Variants in BEND6 observed in about 807,000 individuals in gnomAD.
BEND6 encodes BEN domain containing 6.
BEND6 carries 24 observed loss-of-function variants against 31.8 expected under a neutral mutation model. That is an observed-to-expected ratio of 0.75 (90% confidence interval 0.55 to 1.06). The LOEUF is 1.06. Among genes scored for constraint, BEND6 ranks in the 50% least tolerant of loss-of-function variants. BEND6 has a pLI of 0.00. For missense variants in BEND6, 294 were observed against 327.4 expected, an observed-to-expected ratio of 0.90 and a Z score of 0.79; for synonymous variants, 109 against 114.6, an observed-to-expected ratio of 0.95 and a Z score of 0.31.
At chr6:57,002,291 C>T (rs926411669) in intron 3 of BEND6, among the ~76,000 whole-genome samples, 1 of 151,748 alleles carries the variant, frequency 6.6e-6, no homozygotes, top group African/African-American at 2.4e-5. Flanking sequence ...CCACTGACAA[C>T]ATTAGGCAGA....
chr6:57,004,372 C>T (rs1827070203), intron 3 of BEND6: 3 of 479,242 alleles, frequency 6.3e-6, no homozygotes, highest in Admixed American at 6.5e-5. Context: ...ACCGTGGGTC[C>T]CCAAGGTTTC....
chr6:56,979,960 A>C (rs1826013885), intron 1 of BEND6, among the ~76,000 whole-genome samples: 1 of 152,180 alleles, frequency 6.6e-6, no homozygotes, highest in African/African-American at 2.4e-5. Context: ...TTCCTAGAGA[A>C]TGTCATGCGA....
At position 57,017,258 on chromosome 6, in the gene BEND6, A is replaced by G; in HGVS notation, c.571A>G (p.Lys191Glu). The G allele has an allele frequency of 6.4e-7, 1 of 1,563,368 alleles. No homozygotes were observed. Among genetic ancestry groups the G allele is most frequent in the South Asian group, 1.2e-5 (1 of 84,300 alleles). Residue 191 changes from lysine (K) to glutamate (E), a missense_variant, in exon 5 of 7, where the codon AAG (lysine) becomes GAG (glutamate). Physicochemically the swap from Lys to Glu is moderately conservative, Grantham distance 56. Transcript: ENST00000370746. ...CCGTTGTAACAAGAGCAAGCCTCAGAAGTTTATTAATGATTTAATGCAAGT... is the reference window on the plus strand; with the variant it reads ...CCGTTGTAACAAGAGCAAGCCTCAGGAGTTTATTAATGATTTAATGCAAGT... ...IARCNKSKPQ[K>E]FINDLMQVLY...
In BEND6 at chr6:57,027,220, G is replaced by C. The variant is rs1258213558; in HGVS notation, c.*1148G>C. ...TTCAAAGTTCAGTGTTGTGGACCCA[G>C]GAAATTTTCCATAAGTCTTGCTTGA... On this transcript the variant is annotated 3_prime_UTR_variant, in exon 7 of 7. Transcript: ENST00000370746. 2 of 152,156 alleles carry C rather than the reference G, an allele frequency of 1.3e-5. No individual in the cohort carries two copies. The highest frequency in any genetic ancestry group is 2.9e-5 in the Non-Finnish European group (2 of 68,030). 9.4% of individuals were successfully genotyped at this position (152,156 alleles called of 1,614,324 possible).
intron 1 of BEND6, among the ~76,000 whole-genome samples, chr6:56,975,336 T>A (rs967799816): frequency 6.6e-6 from 1 of 151,926 alleles, no homozygotes; most frequent in African/African-American, 2.4e-5. Flanking sequence ...TTTAAAAAAA[T>A]GAAAAACTAA....
intron 1 of BEND6, among the ~76,000 whole-genome samples, chr6:56,964,573 C>T (rs1449324632): frequency 6.6e-6 from 1 of 151,610 alleles, no homozygotes; most frequent in Non-Finnish European, 1.5e-5. Flanking sequence ...CTGATCATAG[C>T]TTACTATAGC....
intron 6 of BEND6, 75 bp downstream of exon 6, chr6:57,018,632 A>G (rs1184752343): frequency 7.7e-7 from 1 of 1,293,958 alleles, no homozygotes; most frequent in Non-Finnish European, 1.0e-6. Flanking sequence ...TTGGAATAGC[A>G]TTTTCCAATC....
intron 3 of BEND6, among the ~76,000 whole-genome samples, chr6:57,012,344 G>A (rs577625664): frequency 6.6e-6 from 1 of 152,298 alleles, no homozygotes; most frequent in South Asian, 2.1e-4. Flanking sequence ...TAATTTATAT[G>A]GAATTCTAGA....
chr6:56,955,429 C>A lies in BEND6; in HGVS notation c.-132C>A, dbSNP rs1358218429. 6.6e-6 allele frequency: 1 copy of A among 152,290 alleles called. No homozygotes were observed. The highest frequency in any genetic ancestry group is 2.4e-5 in the African/African-American group (1 of 41,464). The allele number at this position is 152,290 out of a possible 1,614,324, so 9.4% of individuals were successfully genotyped here. ...CACCTCCCACCTCCCTGCGCCCCGC[C>A]CCGAGGTTGGGGCTTTGAAGAATGC... On this transcript the variant is annotated 5_prime_UTR_variant, in exon 1 of 7. Transcript: ENST00000370746.
intron 3 of BEND6, among the ~76,000 whole-genome samples, chr6:57,007,463 A>G (rs1042939164): frequency 6.6e-6 from 1 of 152,160 alleles, no homozygotes; most frequent in African/African-American, 2.4e-5. Context: ...ACTCCAGGAC[A>G]TTGGTCTGGA....
chr6:56,962,622 C>T (rs1825330554), intron 1 of BEND6, among the ~76,000 whole-genome samples: 1 of 152,198 alleles, frequency 6.6e-6, no homozygotes. Flanking sequence ...CTGTTCTTTG[C>T]ACACTTTCAG....
intron 4 of BEND6, among the ~76,000 whole-genome samples, chr6:57,016,915 G>C (rs1331647252): frequency 6.6e-6 from 1 of 152,092 alleles, no homozygotes; most frequent in Non-Finnish European, 1.5e-5. Context: ...ACTGAGTATG[G>C]GACTAAGCCT....
intron 1 of BEND6, among the ~76,000 whole-genome samples, chr6:56,978,234 G>T (rs542114772): frequency 1.6e-4 from 25 of 152,036 alleles, no homozygotes; most frequent in Non-Finnish European, 3.2e-4. Flanking sequence ...AGTGACTTAG[G>T]ATCATGCCAC....
intron 3 of BEND6, among the ~76,000 whole-genome samples, chr6:56,993,995 T>C (rs1412233785): frequency 6.6e-6 from 1 of 152,122 alleles, no homozygotes; most frequent in East Asian, 1.9e-4. Flanking sequence ...CCACCGTACC[T>C]GGCCTTATTT....
chr6:56,979,806 C>T (rs1469332956), intron 1 of BEND6, among the ~76,000 whole-genome samples: 4 of 152,182 alleles, frequency 2.6e-5, no homozygotes, highest in Non-Finnish European at 5.9e-5. Flanking sequence ...CATCCCTTTG[C>T]AGAAAAAGTT....
chr6:56,984,324 T>C (rs1826177073), intron 2 of BEND6, among the ~76,000 whole-genome samples: 1 of 152,230 alleles, frequency 6.6e-6, no homozygotes, highest in Non-Finnish European at 1.5e-5. Flanking sequence ...GTTATATGTT[T>C]ATTTCTAGTT....
intron 1 of BEND6, among the ~76,000 whole-genome samples, chr6:56,977,591 A>T (rs866788032): frequency 6.6e-6 from 1 of 152,204 alleles, no homozygotes; most frequent in Non-Finnish European, 1.5e-5. Context: ...AAAATAGTTG[A>T]ACCATTATGT....
At position 56,992,245 on chromosome 6, in the gene BEND6, G is replaced by A. The variant is rs1268813351; in HGVS notation, c.121-133G>A. On this transcript the variant is annotated intron_variant, in intron 2 of 6. Coordinates refer to ENST00000370746, the MANE Select transcript of BEND6 (RefSeq NM_152731.3). ...CTCTGCCTGCTGGAGGACAAAGCTGGGGCTAGATCAGCAGCAGGAAGTGCC... is the reference window on the plus strand; with the variant it reads ...CTCTGCCTGCTGGAGGACAAAGCTGAGGCTAGATCAGCAGCAGGAAGTGCC... 3 of 983,046 alleles carry A rather than the reference G, an allele frequency of 3.1e-6. No homozygotes were observed. The African/African-American group carries it at 5.0e-5, about 17-fold the overall frequency. 60.9% of individuals were successfully genotyped at this position (983,046 alleles called of 1,614,324 possible).
At chr6:56,957,138 A>T (rs1338727306) in intron 1 of BEND6, among the ~76,000 whole-genome samples, 1 of 152,202 alleles carries the variant, frequency 6.6e-6, no homozygotes, top group East Asian at 1.9e-4. Context: ...AATAGCTATT[A>T]TGGTTTTCTG....
Sources: gnomAD v4.1 joint callset for allele counts (sites outside exome capture counted in the v4.1 genomes callset) on GRCh38, gnomAD v4.1.1 for gene constraint, MANE v1.5 for transcripts, NCBI Gene and HGNC (gene_info 2026-07-23, HGNC 2026-07-21) for gene names.